Variants in SLC1A7 observed in about 807,000 individuals in gnomAD.
SLC1A7 encodes excitatory amino acid transporter 5.
A neutral mutation model predicts 47.7 loss-of-function variants in SLC1A7; 40 were observed. That is an observed-to-expected ratio of 0.84 (90% CI 0.65 to 1.09). The LOEUF (loss-of-function observed/expected upper bound fraction) is 1.09. Among genes scored for constraint, SLC1A7 ranks in the 50% least tolerant of loss-of-function variants. The pLI, the probability that SLC1A7 is intolerant of heterozygous loss-of-function variation, is 0.00. For synonymous variants in SLC1A7, 323 were observed against 325.6 expected (o/e 0.99, Z 0.09); for missense variants, 746 against 769.5 (o/e 0.97, Z 0.36).
rs538923620 is a variant in SLC1A7 at position 53,106,475 on chromosome 1, G to T, written c.432-701C>A. 1.4e-4 allele frequency among the ~76,000 whole-genome samples: 22 copies of T among 151,896 alleles called. No homozygotes were observed. The South Asian group carries it at 2.9e-3, about 20-fold the overall frequency. ...AAAAATTAGCTGGGCACGGTGGCGG[G>T]TGCCTGTAGTCCCAGCTACTCAGGA... On this transcript the variant is annotated intron_variant, in intron 3 of 10. Transcript: ENST00000371494.
chr1:53,108,431 A>C (rs1229370687), intron 3 of SLC1A7: 1 of 619,770 alleles, frequency 1.6e-6, no homozygotes, highest in Non-Finnish European at 2.9e-6. Flanking sequence ...TGCAGTCTCC[A>C]TTCTCCCGTC....
intron 3 of SLC1A7, among the ~76,000 whole-genome samples, chr1:53,106,552 A>G (rs981130132): frequency 7.3e-5 from 11 of 151,224 alleles, no homozygotes; most frequent in Non-Finnish European, 1.3e-4. Context: ...GTGAGCCGAG[A>G]TCGCGCCACT....
chr1:53,121,964 G>A (rs1246295951), intron 2 of SLC1A7, among the ~76,000 whole-genome samples: 1 of 152,036 alleles, frequency 6.6e-6, no homozygotes, highest in Non-Finnish European at 1.5e-5. Flanking sequence ...GTAGAGGGCA[G>A]CTGGGTAGGC....
intron 2 of SLC1A7, among the ~76,000 whole-genome samples, chr1:53,132,118 G>T (rs781587142): frequency 2.6e-5 from 4 of 152,166 alleles, no homozygotes; most frequent in Non-Finnish European, 4.4e-5. Flanking sequence ...GGATGAGGTG[G>T]GGTGGGCGAG....
chr1:53,103,608 A>G, intron 4 of SLC1A7, 40 bp from the exon 5 acceptor site: 1 of 1,286,512 alleles, frequency 7.8e-7, no homozygotes, highest in Non-Finnish European at 1.1e-6. Flanking sequence ...GTCAGGGCCA[A>G]GGGTTGTTAC....
chr1:53,116,201 C>A (rs1401510868), intron 2 of SLC1A7: 2 of 152,358 alleles, frequency 1.3e-5, no homozygotes, highest in African/African-American at 4.8e-5. Flanking sequence ...CCCTGCCCTG[C>A]CTGCTCGCTG....
At chr1:53,117,758 G>T (rs915506842) in intron 2 of SLC1A7, among the ~76,000 whole-genome samples, 1 of 152,232 alleles carries the variant, frequency 6.6e-6, no homozygotes, top group Non-Finnish European at 1.5e-5. Context: ...CACCGGGGAC[G>T]AAGAGGCCTA....
At chr1:53,091,611 G>T (rs1479652440) in intron 7 of SLC1A7, among the ~76,000 whole-genome samples, 1 of 152,218 alleles carries the variant, frequency 6.6e-6, no homozygotes, top group Admixed American at 6.5e-5. Context: ...CTTCACTGGG[G>T]TCTGCTCCTG....
chr1:53,098,933 C>T (rs10465822), intron 5 of SLC1A7, among the ~76,000 whole-genome samples: 30,866 of 150,358 alleles, frequency 0.21, 3,291 homozygotes, highest in Middle Eastern at 0.28. Flanking sequence ...ATTACACTCA[C>T]ACTGCCTTGG....
chr1:53,127,880 G>A (rs115416858), intron 2 of SLC1A7, among the ~76,000 whole-genome samples: 1,738 of 152,286 alleles, frequency 0.011, 29 homozygotes, highest in African/African-American at 0.039. Context: ...TTGGGCCTCC[G>A]GATGAGAACA....
chr1:53,136,664 A>ATT (rs1390359637), intron 1 of SLC1A7, among the ~76,000 whole-genome samples: 5 of 46,948 alleles, frequency 1.1e-4, no homozygotes, highest in African/African-American at 4.2e-4. Flanking sequence ...ATATATATAT[A>ATT]TATTTTTTTT....
intron 2 of SLC1A7, among the ~76,000 whole-genome samples, chr1:53,130,109 T>A (rs142158768): frequency 2.5e-4 from 38 of 152,292 alleles, no homozygotes; most frequent in Non-Finnish European, 4.6e-4. Context: ...CTAACGACAC[T>A]CAGCTCATGC....
At chr1:53,109,174 C>T (rs1045803324) in intron 3 of SLC1A7, among the ~76,000 whole-genome samples, 5 of 152,122 alleles carry the variant, frequency 3.3e-5, no homozygotes, top group African/African-American at 9.7e-5. Context: ...CAAATTCTCA[C>T]CGAGATGCTT....
intron 2 of SLC1A7, among the ~76,000 whole-genome samples, chr1:53,117,218 G>A (rs752131650): frequency 1.9e-4 from 29 of 152,192 alleles, no homozygotes; most frequent in Admixed American, 3.3e-4. Flanking sequence ...GTGAGACACC[G>A]TGCTGTTCGA....
rs544698301 is a variant in SLC1A7 at position 53,094,998 on chromosome 1, C to T, written c.698-1438G>A. Among the ~76,000 whole-genome samples the T allele has an allele frequency of 4.9e-4, 74 of 152,328 alleles. 1 individual carries two copies. The South Asian group carries it at 0.015, about 30-fold the overall frequency. On this transcript the variant is annotated intron_variant, in intron 5 of 10. Coordinates refer to ENST00000371494, the MANE Select transcript of SLC1A7 (RefSeq NM_006671.6). Reference sequence around the variant, plus strand: ...GTGCTAGTGTGCTCACTCACACACGCGGGCAGACACTGGTATCTGCACCAA... The same window carrying T: ...GTGCTAGTGTGCTCACTCACACACGTGGGCAGACACTGGTATCTGCACCAA...
chr1:53,130,170 A>G (rs1207516687), intron 2 of SLC1A7, among the ~76,000 whole-genome samples: 1 of 152,240 alleles, frequency 6.6e-6, no homozygotes, highest in Non-Finnish European at 1.5e-5. Flanking sequence ...CATTTTACCA[A>G]CAAATGGGGA....
intron 2 of SLC1A7, among the ~76,000 whole-genome samples, chr1:53,130,749 G>A (rs1486967706): frequency 6.6e-6 from 1 of 152,166 alleles, no homozygotes; most frequent in East Asian, 1.9e-4. Context: ...GGTCAGGCCT[G>A]ACATCTGAAT....
chr1:53,089,831 T>C lies in SLC1A7; in HGVS notation c.1330A>G (p.Ile444Val), dbSNP rs768710932. Reference protein sequence around the residue: ...LTSVGLPTDDITLIIAVDWAL... With the variant: ...LTSVGLPTDDVTLIIAVDWAL... ...CAGTCAACGGCAATGATGAGGGTGA[T>C]GTCATCGGTGGGCAGTCCCACGGAG... Residue 444 changes from isoleucine (I) to valine (V), a missense_variant, in exon 9 of 11, where the codon ATC becomes GTC. Physicochemically the swap from Ile to Val is conservative, Grantham distance 29 (BLOSUM62 3). Coordinates refer to ENST00000371494, the MANE Select transcript of SLC1A7 (RefSeq NM_006671.6). 3.1e-6 allele frequency: 5 copies of C among 1,613,814 alleles called. No homozygotes were observed. Among genetic ancestry groups the C allele is most frequent in the African/African-American group, 1.3e-5 (1 of 74,898 alleles).
In SLC1A7 at chr1:53,090,965, T is replaced by G. The variant is rs764480964; in HGVS notation, c.1032-159A>C. ...GAGGTAAGGACCGCGGGCACTGCAGTGCTCTCACTTGGTTCTTCCTATGAG... is the reference window on the plus strand; with the variant it reads ...GAGGTAAGGACCGCGGGCACTGCAGGGCTCTCACTTGGTTCTTCCTATGAG... On this transcript the variant is annotated intron_variant, in intron 7 of 10. Coordinates refer to ENST00000371494, the MANE Select transcript of SLC1A7 (RefSeq NM_006671.6). 1.2e-5 allele frequency: 18 copies of G among 1,503,784 alleles called. No individual in the cohort carries two copies. The East Asian group carries it at 4.2e-4, about 35-fold the overall frequency. The allele number at this position is 1,503,784 out of a possible 1,614,324, so 93.2% of individuals were successfully genotyped here.
Sources: gnomAD v4.1 joint callset for allele counts (sites outside exome capture counted in the v4.1 genomes callset) on GRCh38, gnomAD v4.1.1 for gene constraint, MANE v1.5 for transcripts, NCBI Gene and HGNC (gene_info 2026-07-23, HGNC 2026-07-21) for gene names.